DBNL: variants seen among roughly 807,000 people sequenced by gnomAD.
DBNL encodes drebrin like.
DBNL carries 35 observed loss-of-function variants against 62.2 expected under a neutral mutation model. The ratio of observed to expected loss-of-function variants is 0.56; its 90% confidence interval spans 0.43 to 0.75. The LOEUF (loss-of-function observed/expected upper bound fraction) is 0.75, where lower values mean the gene tolerates loss of function less well. DBNL is among the 30% of genes least tolerant of loss of function. The probability of loss-of-function intolerance (pLI) is 0.00; values close to 1 mark genes in which losing one functional copy is unlikely to be tolerated. For synonymous variants in DBNL, 197 were observed against 218.0 expected (o/e 0.90, Z 0.85); for missense variants, 495 against 578.4 (o/e 0.86, Z 1.48).
At chr7:44,049,099 C>T (rs1032943533) in intron 1 of DBNL, among the ~76,000 whole-genome samples, 3 of 152,278 alleles carry the variant, frequency 2.0e-5, no homozygotes, top group South Asian at 4.1e-4. Flanking sequence ...AAGCGACCCT[C>T]CTGCCTCAGC....
Position 44,060,343 on chromosome 7 carries a change from C to T in DBNL, c.1153+190C>T, listed in dbSNP as rs906314434. 6.6e-6 allele frequency among the ~76,000 whole-genome samples: 1 copy of T among 152,072 alleles called. No homozygotes were observed. Among genetic ancestry groups the T allele is most frequent in the Admixed American group, 6.5e-5 (1 of 15,274 alleles). Reference sequence around the variant, plus strand: ...TGTGGCACTAGAGTGTTCTGCACAGCCCAGGCCTCCCTACATGTTCCTCAT... The same window carrying T: ...TGTGGCACTAGAGTGTTCTGCACAGTCCAGGCCTCCCTACATGTTCCTCAT... On this transcript the variant is annotated intron_variant, in intron 12 of 12. Coordinates refer to ENST00000448521, the MANE Select transcript of DBNL (RefSeq NM_001014436.3). The surrounding 1 kb of genome is among the most constrained non-coding windows in gnomAD (Gnocchi z 6.3).
intron 6 of DBNL, 62 bp downstream of exon 6, chr7:44,057,921 T>A (rs2096139471): frequency 6.2e-7 from 1 of 1,606,852 alleles, no homozygotes; most frequent in Non-Finnish European, 8.5e-7. Context: ...TGGCTCATCT[T>A]TCCTCACAAG....
rs376652253 is a variant in DBNL, at chr7:44,058,131, G to A, written c.555G>A (p.Lys185=). The A allele has an allele frequency of 7.7e-6, 12 of 1,554,552 alleles. No homozygotes were observed. The highest frequency in any genetic ancestry group is 2.7e-5 in the African/African-American group (2 of 73,438). The change falls in exon 7 of 13, where the codon AAG becomes AAA. Residue 185 remains lysine (K), a splice_region_variant and synonymous_variant. Transcript: ENST00000448521. ...GKDSFWAKAE[K]EEENRRLEEK... is the part of the protein sequence containing the mutation. ...GCGGGCAGTGGCTCTCCCTGCAGAAGGAGGAGGAGAACCGTCGGCTGGAGG... is the reference window on the plus strand; with the variant it reads ...GCGGGCAGTGGCTCTCCCTGCAGAAAGAGGAGGAGAACCGTCGGCTGGAGG...
Position 44,065,094 on chromosome 7 carries a change from C to T in DBNL, c.*4178C>T. ...CCCCACTCTGCAGCTTCCCAGAGGC[C>T]TTCCCAGCAAAGGCAGCCCACCTTG... On this transcript the variant is annotated 3_prime_UTR_variant, in exon 13 of 13. Transcript: ENST00000448521. 1 of 1,613,294 alleles carries T rather than the reference C, an allele frequency of 6.2e-7. No homozygotes were observed. The highest frequency in any genetic ancestry group is 8.5e-7 in the Non-Finnish European group (1 of 1,179,984).
rs1740760976 is a variant in DBNL at position 44,069,332 on chromosome 7, C to T, written c.*8416C>T. 6.6e-6 allele frequency: 1 copy of T among 152,156 alleles called. No individual in the cohort carries two copies. Among genetic ancestry groups the T allele is most frequent in the African/African-American group, 2.4e-5 (1 of 41,410 alleles). The allele number at this position is 152,156 out of a possible 1,614,324, so 9.4% of individuals were successfully genotyped here. A position where few individuals can be genotyped will look rare whatever the true frequency, so the allele number is the denominator to read the frequency against. ...GGCTTCAGTGTATACAGATGTAAGA[C>T]AACTAGAACATGAGGGGAGAAGGGT... On this transcript the variant is annotated 3_prime_UTR_variant, in exon 13 of 13. Transcript: ENST00000448521.
chr7:44,057,715 C>T, intron 5 of DBNL, 67 bp from the exon 6 acceptor site: 3 of 1,585,988 alleles, frequency 1.9e-6, no homozygotes, highest in Non-Finnish European at 2.6e-6. Flanking sequence ...CGTATTCTCT[C>T]CTTTGGTGCC....
Position 44,059,344 on chromosome 7 carries a change from G to A in DBNL, c.836-10G>A, listed in dbSNP as rs770507750. On this transcript the variant is annotated splice_polypyrimidine_tract_variant and intron_variant, in intron 9 of 12. Coordinates refer to ENST00000448521, the MANE Select transcript of DBNL (RefSeq NM_001014436.3). The surrounding 1 kb of genome is among the most constrained non-coding windows in gnomAD (Gnocchi z 4.1). ...TCTGAAGTGATGTATATATTTACCC[G>A]GGTTTGCAGGCAAGCTGAGGAGCCC... 1.2e-6 allele frequency: 2 copies of A among 1,613,648 alleles called. No homozygotes were observed. Among genetic ancestry groups the A allele is most frequent in the Non-Finnish European group, 1.7e-6 (2 of 1,179,888 alleles).
At chr7:44,053,046 T>G (rs1336162383) in intron 4 of DBNL, 105 bp downstream of exon 4, 1 of 1,415,984 alleles carries the variant, frequency 7.1e-7, no homozygotes, top group African/African-American at 1.4e-5. Flanking sequence ...GAGTTGGGAG[T>G]GTGCTCATAG....
At chr7:44,048,082 A>G (rs1335405953) in intron 1 of DBNL, among the ~76,000 whole-genome samples, 3 of 151,964 alleles carry the variant, frequency 2.0e-5, no homozygotes, top group African/African-American at 7.3e-5. Context: ...ACACCCAGCT[A>G]ATTTTGTATT....
intron 1 of DBNL, among the ~76,000 whole-genome samples, chr7:44,046,586 G>A (rs1433264616): frequency 6.6e-6 from 1 of 151,990 alleles, no homozygotes; most frequent in Non-Finnish European, 1.5e-5. Context: ...CATCTCACTG[G>A]ACTCATCTGC....
rs1266913776 is a variant in DBNL at position 44,060,514 on chromosome 7, CT to C, written c.1154-262del. On this transcript the variant is annotated intron_variant, in intron 12 of 12. Transcript: ENST00000448521. The surrounding 1 kb of genome is among the most constrained non-coding windows in gnomAD (Gnocchi z 6.3). The stretch of plus-strand genomic sequence containing the variant: ...CCTTGGAGAATGGGGTGGAGGCCCC[CT>C]ACGGAGCAGGCTGGTGTCTACTCTA... 6.6e-6 allele frequency among the ~76,000 whole-genome samples: 1 copy of C among 152,214 alleles called. No homozygotes were observed. Among genetic ancestry groups the C allele is most frequent in the Non-Finnish European group, 1.5e-5 (1 of 67,976 alleles).
At chr7:44,047,861 T>C (rs2096120056) in intron 1 of DBNL, among the ~76,000 whole-genome samples, 1 of 150,700 alleles carries the variant, frequency 6.6e-6, no homozygotes, top group African/African-American at 2.4e-5. Context: ...GTCAGAGGGA[T>C]AGGTGGCAGG....
chr7:44,057,963 C>T (rs944427711), intron 6 of DBNL, 104 bp downstream of exon 6: 14 of 1,544,814 alleles, frequency 9.1e-6, no homozygotes, highest in South Asian at 3.5e-5. Context: ...CTCCTTGGTG[C>T]CCATTACAGA....
rs1156521412 is a variant in DBNL at position 44,062,714 on chromosome 7, C to T, written c.*1798C>T. 1 of 1,599,456 alleles carries T rather than the reference C, an allele frequency of 6.3e-7. No individual in the cohort carries two copies. The highest frequency in any genetic ancestry group is 1.7e-5 in the Admixed American group (1 of 59,684). ...TGTGAGCCTGGCATGCACGGCTGCG[C>T]TGGACTCCAGGCTGTTGGGGGAGGT... On this transcript the variant is annotated 3_prime_UTR_variant, in exon 13 of 13. Coordinates refer to ENST00000448521, the MANE Select transcript of DBNL (RefSeq NM_001014436.3).
intron 6 of DBNL, 64 bp from the exon 7 acceptor site, chr7:44,058,065 C>T: frequency 6.5e-7 from 1 of 1,539,398 alleles, no homozygotes; most frequent in South Asian, 1.2e-5. Context: ...AAAACTCAGT[C>T]CTGGGCAGGG....
At position 44,063,575 on chromosome 7, in the gene DBNL, C is replaced by T. The variant is rs1424905967; in HGVS notation, c.*2659C>T. The T allele has an allele frequency of 6.2e-6, 1 of 161,364 alleles. No individual in the cohort carries two copies. 10.0% of individuals were successfully genotyped at this position (161,364 alleles called of 1,614,324 possible). A position where few individuals can be genotyped will look rare whatever the true frequency, so the allele number is the denominator to read the frequency against. On this transcript the variant is annotated 3_prime_UTR_variant, in exon 13 of 13. Coordinates refer to ENST00000448521, the MANE Select transcript of DBNL (RefSeq NM_001014436.3). ...GATTACAGGAGTGAGCCACCGTGCCCAGCACCCTTTGGTTTCTAAAGTGCT... is the reference window on the plus strand; with the variant it reads ...GATTACAGGAGTGAGCCACCGTGCCTAGCACCCTTTGGTTTCTAAAGTGCT...
rs1439304998 is a variant in DBNL, at chr7:44,056,751, C to T, written c.328-6C>T. On this transcript the variant is annotated splice_region_variant and splice_polypyrimidine_tract_variant and intron_variant, in intron 4 of 12. Coordinates refer to ENST00000448521, the MANE Select transcript of DBNL (RefSeq NM_001014436.3). ...GCCCTTCTTTCAAGTGCTGCTCCTGCTGCAGGGGGCCCATGTGACCATCAA... is the reference window on the plus strand; with the variant it reads ...GCCCTTCTTTCAAGTGCTGCTCCTGTTGCAGGGGGCCCATGTGACCATCAA... The T allele has an allele frequency of 6.2e-7, 1 of 1,613,862 alleles. No homozygotes were observed. Among genetic ancestry groups the T allele is most frequent in the Non-Finnish European group, 8.5e-7 (1 of 1,180,004 alleles).
chr7:44,059,736 C>T lies in DBNL; in HGVS notation c.1047+78C>T. On this transcript the variant is annotated intron_variant, in intron 11 of 12. Coordinates refer to ENST00000448521, the MANE Select transcript of DBNL (RefSeq NM_001014436.3). This position sits in a 1 kb window ranked among gnomAD's most constrained non-coding sequence, Gnocchi z 4.1. ...ACTTATCACGGGCCGCCTGAGTTTT[C>T]TGGGGGCATGCAACAGGTTTTAAAG... 2 of 1,368,538 alleles carry T rather than the reference C, an allele frequency of 1.5e-6. No individual in the cohort carries two copies. The highest frequency in any genetic ancestry group is 9.9e-7 in the Non-Finnish European group (1 of 1,010,100). 84.8% of individuals were successfully genotyped at this position (1,368,538 alleles called of 1,614,324 possible). A position where few individuals can be genotyped will look rare whatever the true frequency, so the allele number is the denominator to read the frequency against.
chr7:44,050,346 G>A lies in DBNL; in HGVS notation c.139+66G>A, dbSNP rs188678152. The A allele has an allele frequency of 6.2e-4, 973 of 1,561,042 alleles. 11 individuals carry two copies. In the East Asian group the frequency reaches 0.017, roughly 28 times the overall value. ...AGGAGGGTGACGACGAGGGGTCAGC[G>A]CACTCAGCTGTCTTGGTCCACTGAG... is the stretch of plus-strand genomic sequence containing the variant. On this transcript the variant is annotated intron_variant, in intron 2 of 12. Coordinates refer to ENST00000448521, the MANE Select transcript of DBNL (RefSeq NM_001014436.3).
Sources: allele counts gnomAD v4.1 joint callset (sites outside exome capture counted in the v4.1 genomes callset), GRCh38; gene constraint gnomAD v4.1.1; non-coding constraint Gnocchi (gnomAD v3.1); transcripts MANE v1.5; gene names NCBI Gene and HGNC (gene_info 2026-07-23, HGNC 2026-07-21).